RAD51B: variants seen among roughly 807,000 people sequenced by gnomAD.
The protein encoded by RAD51B is DNA repair protein RAD51 homolog 2.
In RAD51B, 38 loss-of-function variants were observed where a neutral mutation model predicts 42.2. The observed-to-expected ratio is 0.90, with a 90% CI of 0.70 to 1.18. The LOEUF (loss-of-function observed/expected upper bound fraction) is 1.18, where lower values mean the gene tolerates loss of function less well. Among genes scored for constraint, RAD51B ranks in the 50% most tolerant of loss-of-function variants. The pLI is 0.00. For synonymous variants in RAD51B, 154 were observed against 145.2 expected, an observed-to-expected ratio of 1.06 and a Z score of -0.43; for missense variants, 373 against 400.7, an observed-to-expected ratio of 0.93 and a Z score of 0.59.
intron 10 of RAD51B, among the ~76,000 whole-genome samples, chr14:68,471,412 A>AG (rs915129563): frequency 2.8e-4 from 43 of 152,196 alleles, no homozygotes; most frequent in Middle Eastern, 3.4e-3. Context: ...GCTCAAGCAG[A>AG]GGGAGGGAAT....
At chr14:68,465,950 A>AATAAAAAT (rs1555414309) in intron 9 of RAD51B, among the ~76,000 whole-genome samples, 1 of 81,314 alleles carries the variant, frequency 1.2e-5, no homozygotes, top group African/African-American at 4.2e-5. Context: ...CAAAAAAAAA[A>AATAAAAAT]AAAATAAATA....
chr14:68,122,623 A>C (rs773043384), intron 7 of RAD51B, among the ~76,000 whole-genome samples: 36 of 152,222 alleles, frequency 2.4e-4, no homozygotes, highest in Non-Finnish European at 4.9e-4. Context: ...ACTTCTGTGA[A>C]GGCCAATCTA....
At chr14:68,346,836 A>G (rs1274893282) in intron 8 of RAD51B, among the ~76,000 whole-genome samples, 1 of 152,082 alleles carries the variant, frequency 6.6e-6, no homozygotes, top group African/African-American at 2.4e-5. Context: ...AAACACATAC[A>G]CTAGAACCAT....
chr14:67,939,124 G>A (rs937601398), intron 7 of RAD51B, among the ~76,000 whole-genome samples: 2 of 152,122 alleles, frequency 1.3e-5, no homozygotes, highest in Non-Finnish European at 2.9e-5. Context: ...TTCATATCTT[G>A]AGGTACTTAT....
At chr14:67,876,492 T>A (rs1201265471) in intron 5 of RAD51B, among the ~76,000 whole-genome samples, 6 of 152,230 alleles carry the variant, frequency 3.9e-5, no homozygotes, top group Admixed American at 1.3e-4. Context: ...TCTGTATCCA[T>A]GAGCAGTTAA....
intron 7 of RAD51B, among the ~76,000 whole-genome samples, chr14:67,905,996 A>G (rs1474376566): frequency 1.3e-5 from 2 of 152,056 alleles, no homozygotes; most frequent in Non-Finnish European, 1.5e-5. Flanking sequence ...GAATGCTTCA[A>G]GCTTTTGATT....
chr14:68,214,881 C>A (rs963756858), intron 7 of RAD51B, among the ~76,000 whole-genome samples: 2 of 152,162 alleles, frequency 1.3e-5, no homozygotes, highest in Admixed American at 6.5e-5. Flanking sequence ...GTGAAACCAG[C>A]CTTCTTTTAT....
chr14:68,373,577 A>G (rs1350144367), intron 8 of RAD51B, among the ~76,000 whole-genome samples: 1 of 152,130 alleles, frequency 6.6e-6, no homozygotes, highest in Admixed American at 6.5e-5. Flanking sequence ...ATGAGAACAC[A>G]TGGACACAGG....
chr14:68,610,499 G>A (rs1471711764), intron 10 of RAD51B, among the ~76,000 whole-genome samples: 1 of 152,184 alleles, frequency 6.6e-6, no homozygotes, highest in Non-Finnish European at 1.5e-5. Context: ...GCCAGGAACA[G>A]GCCTCCCTGT....
intron 7 of RAD51B, among the ~76,000 whole-genome samples, chr14:68,028,852 G>A (rs1010793528): frequency 6.6e-6 from 1 of 152,196 alleles, no homozygotes; most frequent in South Asian, 2.1e-4. Context: ...GAGATGGGGA[G>A]CCCTGGGAGA....
chr14:67,962,610 T>A (rs1177271860), intron 7 of RAD51B, among the ~76,000 whole-genome samples: 1 of 152,184 alleles, frequency 6.6e-6, no homozygotes, highest in Non-Finnish European at 1.5e-5. Context: ...CAAGTTGTTG[T>A]TGAGGTATAA....
chr14:68,052,817 A>G (rs1417013144), intron 7 of RAD51B, among the ~76,000 whole-genome samples: 2 of 144,406 alleles, frequency 1.4e-5, no homozygotes, highest in East Asian at 4.0e-4. Context: ...TTTCTTTTGT[A>G]GAGACAGGTT....
At chr14:68,337,582 C>T (rs907917195) in intron 8 of RAD51B, among the ~76,000 whole-genome samples, 1 of 152,168 alleles carries the variant, frequency 6.6e-6, no homozygotes, top group African/African-American at 2.4e-5. Context: ...ATTGCCATTC[C>T]ATGGGCCATA....
chr14:68,599,704 A>G (rs1374587294), downstream of RAD51B, among the ~76,000 whole-genome samples: 1 of 152,234 alleles, frequency 6.6e-6, no homozygotes, highest in Non-Finnish European at 1.5e-5. Context: ...ACCATGAGTG[A>G]CATGCTGGTG....
At chr14:68,244,124 G>T (rs1057303259) in intron 7 of RAD51B, among the ~76,000 whole-genome samples, 7 of 152,056 alleles carry the variant, frequency 4.6e-5, no homozygotes, top group Non-Finnish European at 1.5e-5. Flanking sequence ...GTTATAGAAA[G>T]ATCTGTTTGT....
At chr14:67,980,917 TGAAAA>T (rs1374138503) in intron 7 of RAD51B, among the ~76,000 whole-genome samples, 1 of 152,120 alleles carries the variant, frequency 6.6e-6, no homozygotes, top group Non-Finnish European at 1.5e-5. Flanking sequence ...TTTCTGCTCT[TGAAAA>T]GAGAATGAGA....
intron 8 of RAD51B, among the ~76,000 whole-genome samples, chr14:68,316,064 C>T (rs2082056084): frequency 6.6e-6 from 1 of 152,100 alleles, no homozygotes; most frequent in Non-Finnish European, 1.5e-5. Flanking sequence ...CTCATTGAGA[C>T]AGTTTAGGTA....
At chr14:68,458,412 T>C (rs954786088) in intron 9 of RAD51B, among the ~76,000 whole-genome samples, 11 of 152,220 alleles carry the variant, frequency 7.2e-5, no homozygotes, top group Non-Finnish European at 1.5e-4. Context: ...CTGAACTATT[T>C]ACTATTCCAT....
At chr14:68,053,212 T>G (rs2076421963) in intron 7 of RAD51B, among the ~76,000 whole-genome samples, 1 of 152,184 alleles carries the variant, frequency 6.6e-6, no homozygotes, top group Non-Finnish European at 1.5e-5. Flanking sequence ...TTTAGACATT[T>G]AGGGTATAGT....
Sources: allele counts gnomAD v4.1 joint callset (sites outside exome capture counted in the v4.1 genomes callset), GRCh38; gene constraint gnomAD v4.1.1; transcripts MANE v1.5; gene names NCBI Gene and HGNC (gene_info 2026-07-23, HGNC 2026-07-21).